The following RELCH variants were observed in gnomAD, a reference collection of about 807,000 sequenced individuals.
The protein encoded by RELCH is RAB11-binding protein RELCH.
Under a neutral mutation model 150.3 loss-of-function variants are expected in RELCH, and 41 were observed. The observed-to-expected ratio is 0.27, with a 90% CI of 0.21 to 0.35. The LOEUF is 0.35. RELCH is among the 10% of genes least tolerant of loss of function. The probability of loss-of-function intolerance (pLI) is 1.00; values close to 1 mark genes in which losing one functional copy is unlikely to be tolerated. For missense variants in RELCH, 1,092 were observed against 1,467.8 expected, an observed-to-expected ratio of 0.74 and a Z score of 4.18; for synonymous variants, 478 against 531.8, an observed-to-expected ratio of 0.90 and a Z score of 1.39.
At chr18:62,228,686 CT>C (rs779351975) in intron 8 of RELCH, 88 bp downstream of exon 8, 9 of 962,002 alleles carry the variant, frequency 9.4e-6, no homozygotes, top group African/African-American at 1.7e-5. Context: ...ATTTAAACCG[CT>C]TTTTTGCAGA....
Position 62,232,256 on chromosome 18 carries a change from A to C in RELCH, c.1525-76A>C, listed in dbSNP as rs569435376. 2.2e-4 allele frequency: 194 copies of C among 900,996 alleles called. 1 individual carries two copies. The highest frequency in any genetic ancestry group is 3.4e-4 in the Non-Finnish European group (182 of 542,100). The allele number at this position is 900,996 out of a possible 1,614,324, so 55.8% of individuals were successfully genotyped here. Reference sequence around the variant, plus strand: ...GTTTAGGGCAGAGGTATCAGGGCCTAAAGAATGAACTTTTCCATATTATTA... The same window carrying C: ...GTTTAGGGCAGAGGTATCAGGGCCTCAAGAATGAACTTTTCCATATTATTA... On this transcript the variant is annotated intron_variant, in intron 9 of 28. Transcript: ENST00000644646.
rs138441226 is a variant in RELCH at position 62,264,584 on chromosome 18, A to G, written c.2508-145A>G. 426 of 626,514 alleles carry G rather than the reference A, an allele frequency of 6.8e-4. 5 individuals are homozygous for G. In the African/African-American group the frequency reaches 7.2e-3, roughly 11 times the overall value. The allele number at this position is 626,514 out of a possible 1,614,324, so 38.8% of individuals were successfully genotyped here. On this transcript the variant is annotated intron_variant, in intron 17 of 28. Coordinates refer to ENST00000644646, the MANE Select transcript of RELCH (RefSeq NM_001346231.2). ...CTATACAGTATAATGTAATCTTACA[A>G]CCTATTCAGAGGGTCCCAGACAATG...
chr18:62,231,790 C>A (rs1599947154), intron 9 of RELCH, among the ~76,000 whole-genome samples: 1 of 151,906 alleles, frequency 6.6e-6, no homozygotes, highest in East Asian at 1.9e-4. Context: ...TTCTGTGTTT[C>A]ATTTCACTTG....
chr18:62,209,485 A>G (rs879843394), intron 1 of RELCH, among the ~76,000 whole-genome samples: 4 of 152,116 alleles, frequency 2.6e-5, no homozygotes, highest in African/African-American at 4.8e-5. Context: ...ATTCTATTGC[A>G]TTGTTCTGAA....
At chr18:62,204,612 C>T (rs1354414038) in intron 1 of RELCH, among the ~76,000 whole-genome samples, 1 of 152,004 alleles carries the variant, frequency 6.6e-6, no homozygotes, top group Non-Finnish European at 1.5e-5. Context: ...AGCCATGAGT[C>T]ACCACACCCA....
chr18:62,201,663 T>A (rs2039454802), intron 1 of RELCH, among the ~76,000 whole-genome samples: 1 of 152,186 alleles, frequency 6.6e-6, no homozygotes, highest in Middle Eastern at 3.2e-3. Context: ...TTATTAATAA[T>A]GTATTGTGGA....
At chr18:62,271,921 G>T (rs544219726) in intron 20 of RELCH, among the ~76,000 whole-genome samples, 3 of 152,080 alleles carry the variant, frequency 2.0e-5, no homozygotes, top group African/African-American at 7.2e-5. Flanking sequence ...TATTTCTGAG[G>T]CCTCTGTTCT....
At chr18:62,280,784 G>T in intron 24 of RELCH, 75 bp downstream of exon 24, 1 of 987,946 alleles carries the variant, frequency 1.0e-6, no homozygotes, top group South Asian at 1.4e-5. Context: ...GTGGTAGGCT[G>T]CAGGGAGCAT....
chr18:62,304,989 A>G (rs2045824319), intron 28 of RELCH, among the ~76,000 whole-genome samples: 1 of 152,254 alleles, frequency 6.6e-6, no homozygotes, highest in African/African-American at 2.4e-5. Context: ...GGATTGCTGT[A>G]AGAATTAAAT....
Position 62,232,329 on chromosome 18 carries a change from T to C in RELCH, c.1525-3T>C, listed in dbSNP as rs1447207208. Reference sequence around the variant, plus strand: ...ATTGTTTATTAATTCTTTGGTTTTCTAGGTGTCTCGTATTGCAGACAGTGA... The same window carrying C: ...ATTGTTTATTAATTCTTTGGTTTTCCAGGTGTCTCGTATTGCAGACAGTGA... On this transcript the variant is annotated splice_region_variant and splice_polypyrimidine_tract_variant and intron_variant, in intron 9 of 28. Transcript: ENST00000644646. The C allele has an allele frequency of 1.9e-6, 3 of 1,594,826 alleles. No homozygotes were observed. The highest frequency in any genetic ancestry group is 3.3e-5 in the Admixed American group (2 of 59,738).
chr18:62,239,486 T>C (rs2042036000), intron 10 of RELCH, among the ~76,000 whole-genome samples: 1 of 152,130 alleles, frequency 6.6e-6, no homozygotes, highest in Admixed American at 6.6e-5. Context: ...ATAGGTTTGT[T>C]TGGCCTATTC....
chr18:62,293,307 A>G (rs1418819687), intron 27 of RELCH, among the ~76,000 whole-genome samples: 1 of 152,200 alleles, frequency 6.6e-6, no homozygotes, highest in African/African-American at 2.4e-5. Flanking sequence ...GGGGGCTGGC[A>G]AGTCCAAAAT....
At chr18:62,214,868 C>T (rs1300643009) in intron 2 of RELCH, among the ~76,000 whole-genome samples, 1 of 152,054 alleles carries the variant, frequency 6.6e-6, no homozygotes, top group African/African-American at 2.4e-5. Context: ...GCACTCTGGT[C>T]CTGCCTCCCA....
Position 62,298,800 on chromosome 18 carries a change from G to A in RELCH, c.3470G>A (p.Ser1157Asn), listed in dbSNP as rs1475273679. Residue 1157 changes from serine (S) to asparagine (N), a missense_variant, in exon 28 of 29, where the codon AGT (serine) becomes AAT (asparagine). Ser to Asn is a conservative substitution (Grantham distance 46, BLOSUM62 1). Transcript: ENST00000644646. ...HLSPEHEVIL[S>N]SMIKECEQKV... ...AATTTTTTTAATCAGGTTATTTTAA[G>A]TTCCATGATAAAAGAATGTGAACAA... 2.6e-6 allele frequency: 4 copies of A among 1,553,962 alleles called. No individual in the cohort carries two copies. In the South Asian group the frequency reaches 4.5e-5, roughly 18 times the overall value.
At chr18:62,273,507 A>T (rs1282305646) in intron 20 of RELCH, among the ~76,000 whole-genome samples, 2 of 152,254 alleles carry the variant, frequency 1.3e-5, no homozygotes, top group Admixed American at 1.3e-4. Flanking sequence ...AATTTATGGG[A>T]ACAAAAATTC....
chr18:62,284,587 C>G (rs2044695165), intron 25 of RELCH, among the ~76,000 whole-genome samples: 1 of 152,004 alleles, frequency 6.6e-6, no homozygotes, highest in Admixed American at 6.6e-5. Context: ...ATTTAGTACT[C>G]TATATTAATA....
chr18:62,222,499 AGAG>A (rs1311291627), intron 5 of RELCH, among the ~76,000 whole-genome samples: 22 of 151,892 alleles, frequency 1.4e-4, no homozygotes, highest in African/African-American at 5.3e-4. Flanking sequence ...AAAGAGGAAA[AGAG>A]GAGCAAAAAA....
rs748054033 is a variant in RELCH at position 62,225,752 on chromosome 18, TGATA to T, written c.859-1529_859-1526del. ...AGATACATCTTAAATTTTGGTTGAATGATAGATAGATGGACATTTGAATTATGTG... is the reference window on the plus strand; with the variant it reads ...AGATACATCTTAAATTTTGGTTGAATGATAGATGGACATTTGAATTATGTG... On this transcript the variant is annotated intron_variant, in intron 5 of 28. Coordinates refer to ENST00000644646, the MANE Select transcript of RELCH (RefSeq NM_001346231.2). 3.3e-5 allele frequency among the ~76,000 whole-genome samples: 5 copies of T among 151,994 alleles called. No individual in the cohort carries two copies. The South Asian group carries it at 8.3e-4, about 25-fold the overall frequency.
chr18:62,258,966 T>C (rs1013939380), intron 15 of RELCH, among the ~76,000 whole-genome samples: 1 of 152,020 alleles, frequency 6.6e-6, no homozygotes, highest in Non-Finnish European at 1.5e-5. Context: ...TTGACCCTTC[T>C]GAGTACTTAA....
Sources: allele counts gnomAD v4.1 joint callset (sites outside exome capture counted in the v4.1 genomes callset), GRCh38; gene constraint gnomAD v4.1.1; transcripts MANE v1.5; gene names NCBI Gene and HGNC (gene_info 2026-07-23, HGNC 2026-07-21).